The following PCDH9 variants were observed in gnomAD, a reference collection of about 807,000 sequenced individuals.
PCDH9 encodes the protein protocadherin 9, also known as protocadherin-9.
PCDH9 carries 24 observed loss-of-function variants against 70.6 expected under a neutral mutation model. The ratio of observed to expected loss-of-function variants is 0.34; its 90% CI spans 0.25 to 0.48. The LOEUF (loss-of-function observed/expected upper bound fraction) is 0.48, where lower values mean the gene tolerates loss of function less well. Among genes scored for constraint, PCDH9 ranks in the 20% least tolerant of loss-of-function variants. The pLI is 0.99. For synonymous variants in PCDH9, 562 were observed against 558.5 expected, an observed-to-expected ratio of 1.01 and a Z score of -0.09; for missense variants, 1,281 against 1,503.6, an observed-to-expected ratio of 0.85 and a Z score of 2.45.
At chr13:67,017,778 T>C (rs1440488290) in intron 2 of PCDH9, among the ~76,000 whole-genome samples, 2 of 152,172 alleles carry the variant, frequency 1.3e-5, no homozygotes, top group African/African-American at 4.8e-5. Context: ...GTAATTAAAA[T>C]AGTGCACATA....
rs150389583 is a variant in PCDH9 at position 66,973,002 on chromosome 13, C to T, written c.3037-69397G>A. ...TCGCTTTAGAGACTTTCTTTCTTTC[C>T]CTGTTTTCCATGTAGTATATCCATC... is the stretch of plus-strand genomic sequence containing the variant. On this transcript the variant is annotated intron_variant, in intron 2 of 4. Transcript: ENST00000377865. Among the ~76,000 whole-genome samples the T allele has an allele frequency of 2.2e-3, 327 of 152,058 alleles. 1 individual carries two copies. Among genetic ancestry groups the T allele is most frequent in the Non-Finnish European group, 3.4e-3 (229 of 67,918 alleles).
intron 4 of PCDH9, among the ~76,000 whole-genome samples, chr13:66,410,149 T>C (rs1208884957): frequency 6.6e-6 from 1 of 151,884 alleles, no homozygotes; most frequent in Non-Finnish European, 1.5e-5. Context: ...ATTGTAATAA[T>C]GGAAAGATGA....
At chr13:66,738,613 A>T (rs1238210239) in intron 3 of PCDH9, among the ~76,000 whole-genome samples, 1 of 141,634 alleles carries the variant, frequency 7.1e-6, no homozygotes, top group Non-Finnish European at 1.5e-5. Flanking sequence ...AGAAGAATGT[A>T]TAACTAGAAG....
chr13:66,754,398 C>A (rs2079508839), intron 3 of PCDH9, among the ~76,000 whole-genome samples: 1 of 151,250 alleles, frequency 6.6e-6, no homozygotes, highest in Admixed American at 6.6e-5. Context: ...AATAAAATAA[C>A]ATAAAACAAA....
At chr13:66,478,871 G>A (rs989595659) in intron 4 of PCDH9, among the ~76,000 whole-genome samples, 3 of 152,136 alleles carry the variant, frequency 2.0e-5, no homozygotes, top group Admixed American at 6.5e-5. Context: ...TGATGACAAT[G>A]GCTACACTAA....
intron 3 of PCDH9, among the ~76,000 whole-genome samples, chr13:66,830,995 T>TA (rs2080915090): frequency 6.6e-6 from 1 of 152,208 alleles, no homozygotes; most frequent in South Asian, 2.1e-4. Context: ...CTGCAGTTAT[T>TA]AAAAATATCC....
chr13:66,546,806 T>C (rs1467514271), intron 4 of PCDH9, among the ~76,000 whole-genome samples: 1 of 152,208 alleles, frequency 6.6e-6, no homozygotes, highest in Non-Finnish European at 1.5e-5. Flanking sequence ...TCCTTTGTAC[T>C]GTATTTTTAC....
At chr13:67,205,926 G>T (rs1405702041) in intron 2 of PCDH9, 2 of 152,160 alleles carry the variant, frequency 1.3e-5, no homozygotes, top group Non-Finnish European at 2.9e-5. Context: ...CGCGGTTGAT[G>T]AATTTTATTT....
intron 2 of PCDH9, among the ~76,000 whole-genome samples, chr13:67,040,824 T>C (rs970114959): frequency 1.3e-5 from 2 of 151,316 alleles, no homozygotes; most frequent in Non-Finnish European, 3.0e-5. Flanking sequence ...TTTATAACAA[T>C]ACATCAAATT....
chr13:66,356,313 T>C (rs929164032), intron 4 of PCDH9, among the ~76,000 whole-genome samples: 40 of 152,144 alleles, frequency 2.6e-4, no homozygotes, highest in Non-Finnish European at 4.4e-4. Flanking sequence ...TTTTAAAGGA[T>C]AGTTTGAAAC....
chr13:67,123,100 T>C (rs1439976369), intron 2 of PCDH9, among the ~76,000 whole-genome samples: 1 of 152,148 alleles, frequency 6.6e-6, no homozygotes, highest in Non-Finnish European at 1.5e-5. Context: ...AGTTCTTCCC[T>C]TCAAACATGG....
chr13:66,484,288 C>A (rs1958899351), intron 4 of PCDH9, among the ~76,000 whole-genome samples: 1 of 152,088 alleles, frequency 6.6e-6, no homozygotes, highest in Non-Finnish European at 1.5e-5. Flanking sequence ...CACACGTCCA[C>A]TGGGGATTCA....
intron 2 of PCDH9, among the ~76,000 whole-genome samples, chr13:67,009,927 T>TA (rs1302488570): frequency 1.3e-5 from 2 of 152,008 alleles, no homozygotes; most frequent in African/African-American, 4.8e-5. Flanking sequence ...CTACCAGCCT[T>TA]AAAATGTAAG....
At chr13:67,011,285 T>G (rs911830148) in intron 2 of PCDH9, among the ~76,000 whole-genome samples, 3 of 151,942 alleles carry the variant, frequency 2.0e-5, no homozygotes, top group African/African-American at 7.2e-5. Flanking sequence ...CCTGCATTTA[T>G]AGTCTAAATT....
chr13:66,933,138 T>G (rs1000473550), intron 2 of PCDH9, among the ~76,000 whole-genome samples: 1 of 151,982 alleles, frequency 6.6e-6, no homozygotes, highest in Non-Finnish European at 1.5e-5. Context: ...CATAATATTT[T>G]TGCCTTTTTA....
intron 4 of PCDH9, among the ~76,000 whole-genome samples, chr13:66,597,986 C>T (rs2077123392): frequency 6.6e-6 from 1 of 151,714 alleles, no homozygotes; most frequent in Non-Finnish European, 1.5e-5. Context: ...CCTAACATCA[C>T]TAATTGTCAG....
chr13:66,980,726 C>CTTTTTTT (rs1327800250), intron 2 of PCDH9, among the ~76,000 whole-genome samples: 4 of 33,382 alleles, frequency 1.2e-4, no homozygotes, highest in South Asian at 2.0e-3. Flanking sequence ...CTGTTTTTTT[C>CTTTTTTT]TTTGTTTTTT....
chr13:67,225,726 G>A lies in PCDH9; in HGVS notation c.2715C>T (p.Ser905=), dbSNP rs768285726. ...TTTGCTCCTCCAGTTCAGCCGGCAG[G>A]CTTATTGTCCCATTGATAGGTTCAT... ...AVHEPINGTI[S]LPAELEEQSI... The change falls in exon 2 of 5, where the codon AGC becomes AGT. Residue 905 remains serine (S), a synonymous_variant. Coordinates refer to ENST00000377865, the MANE Select transcript of PCDH9 (RefSeq NM_203487.3). 6 of 1,614,074 alleles carry A rather than the reference G, an allele frequency of 3.7e-6. No homozygotes were observed. The South Asian group carries it at 6.6e-5, about 18-fold the overall frequency.
intron 3 of PCDH9, among the ~76,000 whole-genome samples, chr13:66,824,692 A>ATATATATATATG (rs1316094273): frequency 9.9e-5 from 13 of 131,050 alleles, no homozygotes; most frequent in African/African-American, 4.0e-4. Flanking sequence ...ATATATATAT[A>ATATATATATATG]TATATGCACA....
Sources: gnomAD v4.1 joint callset for allele counts (sites outside exome capture counted in the v4.1 genomes callset) on GRCh38, gnomAD v4.1.1 for gene constraint, MANE v1.5 for transcripts, NCBI Gene and HGNC (gene_info 2026-07-23, HGNC 2026-07-21) for gene names.